The following FUT8 variants were observed in gnomAD, a reference collection of about 807,000 sequenced individuals.
The protein encoded by FUT8 is alpha-(1,6)-fucosyltransferase.
FUT8 carries 29 observed loss-of-function variants against 71.3 expected under a neutral mutation model. That is an observed-to-expected ratio of 0.41 (90% CI 0.30 to 0.55). The LOEUF (loss-of-function observed/expected upper bound fraction) is 0.55. Ranked by LOEUF, FUT8 falls within the 20% of genes least tolerant of loss-of-function variation. The pLI, the probability that FUT8 is intolerant of heterozygous loss-of-function variation, is 0.34. For missense variants in FUT8, 544 were observed against 702.1 expected (o/e 0.77, Z 2.55); for synonymous variants, 254 against 239.3 (o/e 1.06, Z -0.57).
chr14:65,412,653 G>C (rs987459024), upstream of FUT8: 1 of 217,876 alleles, frequency 4.6e-6, no homozygotes, highest in Non-Finnish European at 9.3e-6. Flanking sequence ...CACATGCCAG[G>C]GTCGCCGTAG....
At chr14:65,674,932 C>G (rs1339924464) in intron 7 of FUT8, among the ~76,000 whole-genome samples, 1 of 152,166 alleles carries the variant, frequency 6.6e-6, no homozygotes, top group African/African-American at 2.4e-5. Flanking sequence ...TTAACCTAAA[C>G]AAGTATCATT....
intron 6 of FUT8, among the ~76,000 whole-genome samples, chr14:65,632,302 C>T (rs1419539934): frequency 1.3e-5 from 2 of 152,318 alleles, no homozygotes; most frequent in East Asian, 3.9e-4. Context: ...AATCTCCACA[C>T]TGTTTTCCCT....
chr14:65,575,579 CCTTCTTCCT>C (rs1886716287), intron 3 of FUT8, among the ~76,000 whole-genome samples: 1 of 37,486 alleles, frequency 2.7e-5, no homozygotes, highest in Non-Finnish European at 5.7e-5. Context: ...TTCCTTCCTT[CCTTCTTCCT>C]TCCTTCCTTC....
chr14:65,736,831 A>G (rs1264685288), intron 10 of FUT8, among the ~76,000 whole-genome samples: 3 of 152,080 alleles, frequency 2.0e-5, no homozygotes, highest in Non-Finnish European at 2.9e-5. Context: ...GTGCCAAGAG[A>G]TGTTAGGAAG....
the FUT8 span, among the ~76,000 whole-genome samples, chr14:65,398,740 AC>A: frequency 6.6e-6 from 1 of 151,816 alleles, no homozygotes; most frequent in African/African-American, 2.4e-5. Flanking sequence ...AAAAAAAAAA[AC>A]AAAGAAACAA....
intron 2 of FUT8, among the ~76,000 whole-genome samples, chr14:65,502,957 C>A (rs901081296): frequency 6.6e-6 from 1 of 152,176 alleles, no homozygotes; most frequent in African/African-American, 2.4e-5. Flanking sequence ...TTTTTTAACT[C>A]CCTTCCCTCC....
intron 9 of FUT8, among the ~76,000 whole-genome samples, chr14:65,727,456 G>T (rs542821994): frequency 6.6e-6 from 1 of 152,176 alleles, no homozygotes; most frequent in South Asian, 2.1e-4. Flanking sequence ...AAGGCTTGGG[G>T]CTTCCACCCT....
chr14:65,528,443 C>T (rs531998851), intron 2 of FUT8, among the ~76,000 whole-genome samples: 24 of 152,182 alleles, frequency 1.6e-4, no homozygotes, highest in African/African-American at 4.8e-4. Context: ...CCAGTGTCAT[C>T]TGTCACAGCT....
intron 6 of FUT8, among the ~76,000 whole-genome samples, chr14:65,640,198 A>G (rs1013999856): frequency 6.6e-6 from 1 of 152,076 alleles, no homozygotes; most frequent in Non-Finnish European, 1.5e-5. Context: ...TGCAAAAACT[A>G]AAAGCAAAAT....
chr14:65,516,889 C>T (rs1330736647), intron 2 of FUT8, among the ~76,000 whole-genome samples: 2 of 151,164 alleles, frequency 1.3e-5, no homozygotes, highest in African/African-American at 4.9e-5. Context: ...TTATTATCTC[C>T]CCTTTAATCA....
chr14:65,555,522 T>C (rs1183579412), intron 2 of FUT8, among the ~76,000 whole-genome samples: 1 of 152,218 alleles, frequency 6.6e-6, no homozygotes, highest in Non-Finnish European at 1.5e-5. Flanking sequence ...CTCTTTAGTA[T>C]AATGACCTGC....
At chr14:65,572,980 A>T (rs1351839835) in intron 3 of FUT8, among the ~76,000 whole-genome samples, 1 of 152,170 alleles carries the variant, frequency 6.6e-6, no homozygotes. Flanking sequence ...ACTGTTTTCA[A>T]CAATAGCAGA....
intron 7 of FUT8, among the ~76,000 whole-genome samples, chr14:65,683,817 T>C (rs1403749323): frequency 6.6e-6 from 1 of 152,124 alleles, no homozygotes; most frequent in Non-Finnish European, 1.5e-5. Context: ...ATTATGTCTA[T>C]ATTCATGACA....
chr14:65,536,023 C>T (rs886521621), intron 2 of FUT8, among the ~76,000 whole-genome samples: 2 of 152,160 alleles, frequency 1.3e-5, no homozygotes, highest in Non-Finnish European at 2.9e-5. Flanking sequence ...AAACCTTTTA[C>T]CATTATGTCA....
At chr14:65,386,904 C>T in the FUT8 span, among the ~76,000 whole-genome samples, 9 of 136,694 alleles carry the variant, frequency 6.6e-5, no homozygotes, top group South Asian at 2.3e-4. Context: ...TGCAGTGGTG[C>T]GATCTCAGCT....
At chr14:65,700,507 C>T (rs1894236959) in intron 7 of FUT8, among the ~76,000 whole-genome samples, 1 of 149,132 alleles carries the variant, frequency 6.7e-6, no homozygotes, top group Admixed American at 6.8e-5. Context: ...TCTCCTGCCT[C>T]AGCCTCCCGA....
chr14:65,605,358 A>G (rs1484648656), intron 3 of FUT8, among the ~76,000 whole-genome samples: 1 of 151,918 alleles, frequency 6.6e-6, no homozygotes, highest in East Asian at 1.9e-4. Flanking sequence ...CCAGATTCAT[A>G]TGTTGAAGCC....
intron 7 of FUT8, among the ~76,000 whole-genome samples, chr14:65,694,415 A>G (rs1206735391): frequency 3.3e-5 from 5 of 152,150 alleles, no homozygotes; most frequent in Non-Finnish European, 1.5e-5. Flanking sequence ...TTCTTGTGTT[A>G]TAAATAACAC....
At chr14:65,694,509 A>C (rs182113133) in intron 7 of FUT8, among the ~76,000 whole-genome samples, 16 of 152,222 alleles carry the variant, frequency 1.1e-4, no homozygotes, top group Admixed American at 3.3e-4. Flanking sequence ...CTGTTCTTTT[A>C]AATTTATATT....
Sources: gnomAD v4.1 joint callset for allele counts (sites outside exome capture counted in the v4.1 genomes callset) on GRCh38, gnomAD v4.1.1 for gene constraint, MANE v1.5 for transcripts, NCBI Gene and HGNC (gene_info 2026-07-23, HGNC 2026-07-21) for gene names.